Variants in GPC6 observed in about 807,000 individuals in gnomAD.
GPC6 encodes the protein glypican 6.
In GPC6, 14 loss-of-function variants were observed where a neutral mutation model predicts 55.2. The ratio of observed to expected loss-of-function variants is 0.25; its 90% CI spans 0.17 to 0.40. The LOEUF is 0.40. Ranked by LOEUF, GPC6 falls within the 10% of genes least tolerant of loss-of-function variation. The pLI is 1.00. For synonymous variants in GPC6, 278 were observed against 259.6 expected, an observed-to-expected ratio of 1.07 and a Z score of -0.68; for missense variants, 641 against 708.5, an observed-to-expected ratio of 0.90 and a Z score of 1.08.
intron 3 of GPC6, among the ~76,000 whole-genome samples, chr13:93,936,074 A>C (rs116582413): frequency 6.6e-6 from 1 of 152,238 alleles, no homozygotes; most frequent in Non-Finnish European, 1.5e-5. Flanking sequence ...AATATACATG[A>C]TATCACTCAC....
At chr13:94,400,629 T>A (rs192742307) in intron 8 of GPC6, among the ~76,000 whole-genome samples, 25 of 152,286 alleles carry the variant, frequency 1.6e-4, no homozygotes, top group African/African-American at 5.3e-4. Flanking sequence ...TAATTGTGTC[T>A]TTCTCATTCA....
At chr13:93,980,721 C>T (rs1880763344) in intron 3 of GPC6, among the ~76,000 whole-genome samples, 1 of 152,146 alleles carries the variant, frequency 6.6e-6, no homozygotes, top group Admixed American at 6.5e-5. Flanking sequence ...TTCAGATCTC[C>T]TGTGTCTTTT....
At chr13:93,553,568 G>A (rs1251610975) in intron 2 of GPC6, among the ~76,000 whole-genome samples, 1 of 151,788 alleles carries the variant, frequency 6.6e-6, no homozygotes, top group Non-Finnish European at 1.5e-5. Context: ...GGGGGCATGC[G>A]CCTGTAATCC....
chr13:93,900,186 A>G (rs1402266965), intron 3 of GPC6, among the ~76,000 whole-genome samples: 4 of 152,116 alleles, frequency 2.6e-5, no homozygotes, highest in African/African-American at 9.6e-5. Context: ...AATCTTCAGC[A>G]TTCAAATAAA....
At chr13:93,283,896 A>T (rs1322139126) in intron 1 of GPC6, among the ~76,000 whole-genome samples, 1 of 152,136 alleles carries the variant, frequency 6.6e-6, no homozygotes, top group Non-Finnish European at 1.5e-5. Context: ...GGGGTACATA[A>T]CTCAGCAAAC....
At position 93,851,365 on chromosome 13, in the gene GPC6, G is replaced by T. The variant is rs538094751; in HGVS notation, c.711+20820G>T. ...TCCTCCTAAGGAAATGGTGTTTGCA[G>T]TGTTCTCTATTGAATCTCACATTTG... On this transcript the variant is annotated intron_variant, in intron 3 of 8. Coordinates refer to ENST00000377047, the MANE Select transcript of GPC6 (RefSeq NM_005708.5). Among the ~76,000 whole-genome samples, 3 of 152,056 alleles carry T rather than the reference G, an allele frequency of 2.0e-5. No homozygotes were observed. In the South Asian group the frequency reaches 6.2e-4, roughly 32 times the overall value.
intron 2 of GPC6, among the ~76,000 whole-genome samples, chr13:93,786,188 A>G (rs1885809370): frequency 6.6e-6 from 1 of 152,180 alleles, no homozygotes; most frequent in Admixed American, 6.5e-5. Flanking sequence ...AGAGCTAAAG[A>G]CAAAACAGCA....
chr13:93,740,198 G>T (rs567181322), intron 2 of GPC6, among the ~76,000 whole-genome samples: 5 of 114,072 alleles, frequency 4.4e-5, no homozygotes, highest in African/African-American at 2.5e-4. Context: ...GTTCTATGTC[G>T]TAAGGTCTAA....
chr13:94,200,260 A>G (rs140608533), intron 4 of GPC6, among the ~76,000 whole-genome samples: 1 of 152,340 alleles, frequency 6.6e-6, no homozygotes, highest in East Asian at 1.9e-4. Context: ...AAGCGTTGGA[A>G]AAGAATTTCT....
At chr13:94,154,639 T>C (rs1435601159) in intron 4 of GPC6, among the ~76,000 whole-genome samples, 1 of 152,154 alleles carries the variant, frequency 6.6e-6, no homozygotes, top group Non-Finnish European at 1.5e-5. Context: ...TTTGCTCATT[T>C]TAAACTTGAG....
At chr13:94,122,401 A>G (rs951928094) in intron 4 of GPC6, among the ~76,000 whole-genome samples, 1 of 152,070 alleles carries the variant, frequency 6.6e-6, no homozygotes, top group African/African-American at 2.4e-5. Flanking sequence ...AACCTCTGAC[A>G]TTTACTCAAT....
chr13:94,007,923 A>G (rs1279289657), intron 3 of GPC6, among the ~76,000 whole-genome samples: 1 of 152,186 alleles, frequency 6.6e-6, no homozygotes, highest in Non-Finnish European at 1.5e-5. Context: ...ACTTAAAAAA[A>G]GGAGAAAGAA....
chr13:93,795,758 G>T (rs2138929060), intron 2 of GPC6, among the ~76,000 whole-genome samples: 1 of 152,204 alleles, frequency 6.6e-6, no homozygotes, highest in South Asian at 2.1e-4. Flanking sequence ...GTTCAAGAAG[G>T]CTCTTCACTG....
chr13:94,382,613 CT>C, intron 7 of GPC6, 63 bp downstream of exon 7: 2 of 1,599,700 alleles, frequency 1.3e-6, no homozygotes, highest in Middle Eastern at 1.9e-4. Context: ...GAAGACTCTC[CT>C]GGCACAACTC....
intron 1 of GPC6, among the ~76,000 whole-genome samples, chr13:93,439,867 C>T (rs900822316): frequency 6.6e-6 from 1 of 152,010 alleles, no homozygotes; most frequent in Non-Finnish European, 1.5e-5. Context: ...AAGTACGTGT[C>T]CCTAAAAGCA....
rs535970623 is a variant in GPC6 at position 94,104,338 on chromosome 13, A to G, written c.877+76444A>G. ...CATATCTCAAAATAATAACAGCTAT[A>G]TATGACAAACCCACAGCCAATATCA... is the stretch of plus-strand genomic sequence containing the variant. On this transcript the variant is annotated intron_variant, in intron 4 of 8. Coordinates refer to ENST00000377047, the MANE Select transcript of GPC6 (RefSeq NM_005708.5). Among the ~76,000 whole-genome samples the G allele has an allele frequency of 1.2e-4, 19 of 152,238 alleles. No individual in the cohort carries two copies. The South Asian group carries it at 3.5e-3, about 28-fold the overall frequency.
chr13:93,228,991 C>T (rs535695221), intron 1 of GPC6, among the ~76,000 whole-genome samples: 2 of 152,284 alleles, frequency 1.3e-5, no homozygotes, highest in South Asian at 4.2e-4. Flanking sequence ...TTACCACGCT[C>T]ATTATATAGA....
At chr13:93,893,872 T>C (rs1316780310) in intron 3 of GPC6, among the ~76,000 whole-genome samples, 1 of 152,200 alleles carries the variant, frequency 6.6e-6, no homozygotes, top group African/African-American at 2.4e-5. Flanking sequence ...CCAAAGCCCG[T>C]GATAACACTC....
At chr13:93,761,307 T>G (rs923534169) in intron 2 of GPC6, among the ~76,000 whole-genome samples, 30 of 152,302 alleles carry the variant, frequency 2.0e-4, no homozygotes, top group African/African-American at 7.0e-4. Flanking sequence ...CACTCTGCTA[T>G]GTAGTATATG....
Sources: allele counts gnomAD v4.1 joint callset (sites outside exome capture counted in the v4.1 genomes callset), GRCh38; gene constraint gnomAD v4.1.1; transcripts MANE v1.5; gene names NCBI Gene and HGNC (gene_info 2026-07-23, HGNC 2026-07-21).